The following MAP3K5 variants were observed in gnomAD, a reference collection of about 807,000 sequenced individuals.
MAP3K5 encodes mitogen-activated protein kinase kinase kinase 5.
MAP3K5 carries 56 observed loss-of-function variants against 158.7 expected under a neutral mutation model. The observed-to-expected ratio is 0.35, with a 90% CI of 0.28 to 0.44. MAP3K5 has a LOEUF of 0.44. Ranked by LOEUF, MAP3K5 falls within the 20% of genes least tolerant of loss-of-function variation. MAP3K5 has a pLI of 1.00. For synonymous variants in MAP3K5, 579 were observed against 601.7 expected (o/e 0.96, Z 0.55); for missense variants, 1,294 against 1,674.8 (o/e 0.77, Z 3.97).
In MAP3K5 at chr6:136,610,848, C is replaced by T. The variant is rs150513823; in HGVS notation, c.2521+434G>A. 0.014 allele frequency among the ~76,000 whole-genome samples: 2,080 copies of T among 152,030 alleles called. 122 individuals carry two copies. In the East Asian group the frequency reaches 0.15, roughly 11 times the overall value. On this transcript the variant is annotated intron_variant, in intron 18 of 29. Coordinates refer to ENST00000359015, the MANE Select transcript of MAP3K5 (RefSeq NM_005923.4). ...CATTGGCCAGGCGCAGTGGCTCACG[C>T]CTGTAATCCCAACACTTTTGGAGGC...
rs543500766 is a variant in MAP3K5 at position 136,691,798 on chromosome 6, A to G, written c.1253+2342T>C. ...TGATTTGATGACATTTCAACTTCAGATATTGTACTTTTCAGTTCTAGAACT... is the reference window on the plus strand; with the variant it reads ...TGATTTGATGACATTTCAACTTCAGGTATTGTACTTTTCAGTTCTAGAACT... On this transcript the variant is annotated intron_variant, in intron 7 of 29. Coordinates refer to ENST00000359015, the MANE Select transcript of MAP3K5 (RefSeq NM_005923.4). Among the ~76,000 whole-genome samples, 27 of 152,150 alleles carry G rather than the reference A, an allele frequency of 1.8e-4. No homozygotes were observed. In the East Asian group the frequency reaches 4.8e-3, roughly 27 times the overall value.
At chr6:136,558,990 T>C (rs1445952432) in intron 28 of MAP3K5, 114 bp from the exon 29 acceptor site, 3 of 648,620 alleles carry the variant, frequency 4.6e-6, no homozygotes, top group Non-Finnish European at 8.2e-6. Context: ...AAAAATGAAA[T>C]CTACTAAAAA....
chr6:136,770,877 T>A (rs868644394), intron 1 of MAP3K5, among the ~76,000 whole-genome samples: 1 of 152,004 alleles, frequency 6.6e-6, no homozygotes, highest in South Asian at 2.1e-4. Context: ...CACACAAAAA[T>A]TATCATAAAC....
chr6:136,675,480 T>C (rs975496531), intron 7 of MAP3K5, among the ~76,000 whole-genome samples: 1 of 151,842 alleles, frequency 6.6e-6, no homozygotes, highest in African/African-American at 2.4e-5. Flanking sequence ...CACAGAACAA[T>C]AAAGAAAGAT....
At chr6:136,728,511 A>G (rs1393906837) in intron 1 of MAP3K5, among the ~76,000 whole-genome samples, 2 of 152,210 alleles carry the variant, frequency 1.3e-5, no homozygotes, top group Admixed American at 6.5e-5. Flanking sequence ...AACTGGTCAC[A>G]GTTGGGCAAT....
intron 9 of MAP3K5, among the ~76,000 whole-genome samples, chr6:136,657,482 A>T (rs886531198): frequency 6.6e-6 from 1 of 152,176 alleles, no homozygotes; most frequent in Non-Finnish European, 1.5e-5. Flanking sequence ...AGCAAATGTG[A>T]CTCAATATCA....
chr6:136,698,541 G>A lies in MAP3K5; in HGVS notation c.754C>T (p.Pro252Ser), dbSNP rs267600836. ...AGTTGAATAAAACGATCCACAAGAG[G>A]TAAGCAGATGGGTCCAAGAAGCAGC... ...FELLLGPICL[P>S]LVDRFIQLLK... The change falls in exon 4 of 30, where the codon CCT (proline) becomes TCT (serine). Residue 252 changes from proline to serine, a missense_variant. By Grantham distance (74) the Pro-to-Ser change is moderately conservative. Around this residue, in one of 5 missense-constraint regions of MAP3K5, gnomAD observed 690 missense variants for 870.5 expected, o/e 0.79. Transcript: ENST00000359015. 6.2e-7 allele frequency: 1 copy of A among 1,614,042 alleles called. No individual in the cohort carries two copies. The highest frequency in any genetic ancestry group is 8.5e-7 in the Non-Finnish European group (1 of 1,179,960).
chr6:136,631,220 C>A (rs936899954), intron 14 of MAP3K5, among the ~76,000 whole-genome samples: 1 of 152,132 alleles, frequency 6.6e-6, no homozygotes, highest in Admixed American at 6.5e-5. Flanking sequence ...GGCTTTTCCC[C>A]GTTCCCAACA....
At chr6:136,744,404 C>A (rs1185353040) in intron 1 of MAP3K5, among the ~76,000 whole-genome samples, 1 of 151,370 alleles carries the variant, frequency 6.6e-6, no homozygotes, top group Non-Finnish European at 1.5e-5. Flanking sequence ...TATATGAGAA[C>A]CCTTGACTCT....
intron 21 of MAP3K5, among the ~76,000 whole-genome samples, chr6:136,600,222 G>A (rs1053140623): frequency 2.5e-4 from 34 of 137,728 alleles, no homozygotes; most frequent in African/African-American, 8.9e-4. Context: ...ACAGGGTCTC[G>A]CTCTGTCACC....
intron 1 of MAP3K5, among the ~76,000 whole-genome samples, chr6:136,745,575 T>G (rs1446781353): frequency 6.6e-6 from 1 of 152,084 alleles, no homozygotes; most frequent in African/African-American, 2.4e-5. Context: ...CCAGCACACC[T>G]ACCATCCTGC....
At position 136,715,943 on chromosome 6, in the gene MAP3K5, T is replaced by C. The variant is rs557828882; in HGVS notation, c.588+4507A>G. ...TACTAGGGAGGCTGAGACAGGAGAATTGCTTGAACCCAGGAGGTGGAGGTT... is the reference window on the plus strand; with the variant it reads ...TACTAGGGAGGCTGAGACAGGAGAACTGCTTGAACCCAGGAGGTGGAGGTT... On this transcript the variant is annotated intron_variant, in intron 2 of 29. Transcript: ENST00000359015. Among the ~76,000 whole-genome samples the C allele has an allele frequency of 4.7e-4, 67 of 143,420 alleles. 1 individual carries two copies. The Middle Eastern group carries it at 0.011, about 24-fold the overall frequency. The allele number at this position is 143,420 out of a possible 152,430, so 94.1% of individuals were successfully genotyped here.
intron 1 of MAP3K5, among the ~76,000 whole-genome samples, chr6:136,752,182 C>T (rs1014483830): frequency 1.3e-5 from 2 of 152,172 alleles, no homozygotes; most frequent in Non-Finnish European, 1.5e-5. Flanking sequence ...AGGTTCTAGG[C>T]CCTGGCACTA....
chr6:136,673,063 CA>C (rs1779554292), intron 7 of MAP3K5, among the ~76,000 whole-genome samples: 1 of 148,572 alleles, frequency 6.7e-6, no homozygotes, highest in Admixed American at 6.7e-5. Flanking sequence ...GAGCTAAACA[CA>C]AAACTCTCAA....
chr6:136,566,764 T>C lies in MAP3K5; in HGVS notation c.3761+867A>G, dbSNP rs575235717. On this transcript the variant is annotated intron_variant, in intron 26 of 29. Transcript: ENST00000359015. Reference sequence around the variant, plus strand: ...AAATTTCATGTTTCTGAATATAGGATGAGCTTTTACCACTTGTACTCATTT... The same window carrying C: ...AAATTTCATGTTTCTGAATATAGGACGAGCTTTTACCACTTGTACTCATTT... Among the ~76,000 whole-genome samples, 8 of 152,386 alleles carry C rather than the reference T, an allele frequency of 5.2e-5. 1 individual carries two copies. In the South Asian group the frequency reaches 1.7e-3, roughly 32 times the overall value.
At chr6:136,683,652 T>C (rs1463385054) in intron 7 of MAP3K5, among the ~76,000 whole-genome samples, 1 of 152,168 alleles carries the variant, frequency 6.6e-6, no homozygotes. Context: ...TTTTTTTAAG[T>C]AATAAAACAG....
At chr6:136,560,198 G>C (rs994804651) in intron 28 of MAP3K5, among the ~76,000 whole-genome samples, 3 of 152,046 alleles carry the variant, frequency 2.0e-5, no homozygotes, top group African/African-American at 7.2e-5. Flanking sequence ...AAGTCTATAG[G>C]GGCTGGGCGC....
intron 1 of MAP3K5, among the ~76,000 whole-genome samples, chr6:136,740,020 C>T (rs1046250432): frequency 1.3e-5 from 2 of 152,182 alleles, no homozygotes; most frequent in Non-Finnish European, 2.9e-5. Context: ...GGGGCTTCCA[C>T]AGGATGAAGA....
intron 8 of MAP3K5, among the ~76,000 whole-genome samples, chr6:136,662,783 C>G (rs975183271): frequency 4.6e-5 from 7 of 152,070 alleles, no homozygotes; most frequent in African/African-American, 1.7e-4. Flanking sequence ...CCTTTTTAAC[C>G]AAGTCCTTCC....
Sources: allele counts gnomAD v4.1 joint callset (sites outside exome capture counted in the v4.1 genomes callset), GRCh38; gene constraint gnomAD v4.1.1; regional missense constraint gnomAD v4.1.1; transcripts MANE v1.5; gene names NCBI Gene and HGNC (gene_info 2026-07-23, HGNC 2026-07-21).